SGIP1: variants seen among roughly 807,000 people sequenced by gnomAD.
SGIP1 encodes the protein SH3-containing GRB2-like protein 3-interacting protein 1.
In SGIP1, 38 loss-of-function variants were observed where a neutral mutation model predicts 107.5. The observed-to-expected ratio is 0.35, with a 90% CI of 0.27 to 0.46. The LOEUF (loss-of-function observed/expected upper bound fraction) is 0.46, where lower values mean the gene tolerates loss of function less well. Ranked by LOEUF, SGIP1 falls within the 20% of genes least tolerant of loss-of-function variation. The pLI, the probability that SGIP1 is intolerant of heterozygous loss-of-function variation, is 1.00. For synonymous variants in SGIP1, 365 were observed against 366.1 expected, an observed-to-expected ratio of 1.00 and a Z score of 0.03; for missense variants, 929 against 1,019.5, an observed-to-expected ratio of 0.91 and a Z score of 1.21.
intron 9 of SGIP1, among the ~76,000 whole-genome samples, chr1:66,668,832 T>C (rs2083158613): frequency 6.6e-6 from 1 of 152,228 alleles, no homozygotes; most frequent in Non-Finnish European, 1.5e-5. Flanking sequence ...GGAAATTTAT[T>C]CACAACATAC....
chr1:66,559,810 C>A (rs1027447716), intron 1 of SGIP1, among the ~76,000 whole-genome samples: 38 of 151,814 alleles, frequency 2.5e-4, no homozygotes, highest in African/African-American at 9.2e-4. Flanking sequence ...GTTATTTAGC[C>A]GGGGGGGTGG....
In SGIP1 at chr1:66,613,375, G is replaced by A. The variant is rs182487000; in HGVS notation, c.11-12472G>A. ...GTCAGAGTCTCACTCTGTCGTCCACGAGGGAGTGCAGTGGTGCAATCTCAA... is the reference window on the plus strand; with the variant it reads ...GTCAGAGTCTCACTCTGTCGTCCACAAGGGAGTGCAGTGGTGCAATCTCAA... On this transcript the variant is annotated intron_variant, in intron 1 of 24. Transcript: ENST00000371037. Among the ~76,000 whole-genome samples, 3 of 152,258 alleles carry A rather than the reference G, an allele frequency of 2.0e-5. No homozygotes were observed. In the East Asian group the frequency reaches 5.8e-4, roughly 29 times the overall value.
intron 2 of SGIP1, chr1:66,626,137 CTTTTTTTTTT>C (rs35959436): frequency 8.6e-4 from 106 of 123,200 alleles, no homozygotes; most frequent in East Asian, 5.5e-3. Context: ...TTCTTTCTTT[CTTTTTTTTTT>C]TTTTTTTTTT....
intron 7 of SGIP1, among the ~76,000 whole-genome samples, chr1:66,654,181 A>G (rs965220548): frequency 1.3e-5 from 2 of 152,182 alleles, no homozygotes; most frequent in African/African-American, 2.4e-5. Flanking sequence ...TACTTGCATT[A>G]TTTTACAAAT....
chr1:66,660,554 G>A lies in SGIP1; in HGVS notation c.471+30G>A, dbSNP rs199593903. 2.8e-5 allele frequency: 44 copies of A among 1,593,602 alleles called. No individual in the cohort carries two copies. In the East Asian group the frequency reaches 9.4e-4, roughly 34 times the overall value. On this transcript the variant is annotated intron_variant, in intron 8 of 24. Transcript: ENST00000371037. ...GAAATAAGTCCTTCCCGCTTTTGGG[G>A]CAAACATTATTTATTCTGTTTATTT...
At chr1:66,626,152 T>TTTTTTTTTTC (rs2072679404) in intron 2 of SGIP1, 1 of 264,440 alleles carries the variant, frequency 3.8e-6, no homozygotes, top group African/African-American at 2.3e-5. Flanking sequence ...TTTTTTTTTT[T>TTTTTTTTTTC]TTTTTTTGAT....
At chr1:66,566,804 A>G (rs1053075192) in intron 1 of SGIP1, among the ~76,000 whole-genome samples, 2 of 151,946 alleles carry the variant, frequency 1.3e-5, no homozygotes, top group Non-Finnish European at 2.9e-5. Flanking sequence ...TCAACCCGTC[A>G]TCTAGGTTTT....
intron 13 of SGIP1, 57 bp from the exon 14 acceptor site, chr1:66,679,621 A>G (rs932717679): frequency 2.6e-6 from 4 of 1,538,698 alleles, no homozygotes; most frequent in Admixed American, 2.0e-5. Context: ...TTTAAAGTGT[A>G]TTGTATGACT....
At chr1:66,676,800 C>G (rs1383759930) in intron 12 of SGIP1, among the ~76,000 whole-genome samples, 1 of 152,022 alleles carries the variant, frequency 6.6e-6, no homozygotes, top group Admixed American at 6.6e-5. Flanking sequence ...CACAGACACT[C>G]CTCCCACCCA....
rs1030737798 is a variant in SGIP1 at position 66,746,531 on chromosome 1, A to ATT, written c.*3437_*3438dup. On this transcript the variant is annotated 3_prime_UTR_variant, in exon 25 of 25. Transcript: ENST00000371037. ...TAAGCAAACTTGTAAAAACACAGTA[A>ATT]TTGAATGATATACAATAAAAACTGA... 11 of 152,276 alleles carry ATT rather than the reference A, an allele frequency of 7.2e-5. No individual in the cohort carries two copies. The highest frequency in any genetic ancestry group is 2.6e-4 in the African/African-American group (11 of 41,572). The allele number at this position is 152,276 out of a possible 1,614,324, so 9.4% of individuals were successfully genotyped here.
Position 66,741,260 on chromosome 1 carries a change from GT to G in SGIP1, c.2300-3del, listed in dbSNP as rs540315457. 1.3e-4 allele frequency: 191 copies of G among 1,506,642 alleles called. No individual in the cohort carries two copies. The highest frequency in any genetic ancestry group is 4.2e-4 in the Admixed American group (20 of 48,008). 93.3% of individuals were successfully genotyped at this position (1,506,642 alleles called of 1,614,324 possible). Reference sequence around the variant, plus strand: ...GTTGACTGTTACCTTGTAATAATGTGTTTTTTTTTAGGGGTGGGTTCTTTGT... The same window carrying G: ...GTTGACTGTTACCTTGTAATAATGTGTTTTTTTTAGGGGTGGGTTCTTTGT... On this transcript the variant is annotated splice_polypyrimidine_tract_variant and intron_variant, in intron 23 of 24. Coordinates refer to ENST00000371037, the MANE Select transcript of SGIP1 (RefSeq NM_032291.4).
intron 15 of SGIP1, among the ~76,000 whole-genome samples, chr1:66,686,846 G>T (rs1267699319): frequency 6.6e-6 from 1 of 152,146 alleles, no homozygotes; most frequent in Non-Finnish European, 1.5e-5. Context: ...AGTTGTATTT[G>T]TATCAAAAAA....
rs1350811503 is a variant in SGIP1 at position 66,744,818 on chromosome 1, C to A, written c.*1723C>A. ...CAACAAACTCTCAGTTGGCCCCCTA[C>A]AGCAGTCTGGTGTTGAAGTTTCTTT... On this transcript the variant is annotated 3_prime_UTR_variant, in exon 25 of 25. Transcript: ENST00000371037. The A allele has an allele frequency of 6.6e-6, 1 of 152,474 alleles. No homozygotes were observed. Among genetic ancestry groups the A allele is most frequent in the African/African-American group, 2.4e-5 (1 of 41,438 alleles). The allele number at this position is 152,474 out of a possible 1,614,324, so 9.4% of individuals were successfully genotyped here. A position where few individuals can be genotyped will look rare whatever the true frequency, so the allele number is the denominator to read the frequency against.
intron 9 of SGIP1, among the ~76,000 whole-genome samples, chr1:66,667,852 A>C (rs1450723759): frequency 6.6e-6 from 1 of 152,156 alleles, no homozygotes; most frequent in Non-Finnish European, 1.5e-5. Context: ...AAAGGCCTAG[A>C]GATTCACCAG....
At chr1:66,706,143 A>C (rs1001578418) in intron 18 of SGIP1, among the ~76,000 whole-genome samples, 2 of 151,722 alleles carry the variant, frequency 1.3e-5, no homozygotes. Context: ...TTCACAATTT[A>C]TTTCTTTTTA....
chr1:66,581,059 C>A (rs977953260), intron 1 of SGIP1, among the ~76,000 whole-genome samples: 1 of 152,034 alleles, frequency 6.6e-6, no homozygotes, highest in Non-Finnish European at 1.5e-5. Flanking sequence ...AATTTTGTAA[C>A]ATTTTCTCGT....
intron 21 of SGIP1, among the ~76,000 whole-genome samples, chr1:66,734,276 G>A (rs546498463): frequency 6.6e-6 from 1 of 151,922 alleles, no homozygotes; most frequent in African/African-American, 2.4e-5. Context: ...TGTTTTTCTA[G>A]TAAGATAGTC....
intron 1 of SGIP1, among the ~76,000 whole-genome samples, chr1:66,545,170 T>C (rs1272484319): frequency 6.6e-6 from 1 of 152,218 alleles, no homozygotes. Flanking sequence ...CTGCCTTTGA[T>C]TGTTTACCAT....
chr1:66,691,558 A>G (rs1243722958), intron 17 of SGIP1, among the ~76,000 whole-genome samples: 2 of 152,296 alleles, frequency 1.3e-5, no homozygotes, highest in East Asian at 3.9e-4. Flanking sequence ...TGCAACATCA[A>G]CTGGGGCAAT....
Sources: allele counts gnomAD v4.1 joint callset (sites outside exome capture counted in the v4.1 genomes callset), GRCh38; gene constraint gnomAD v4.1.1; transcripts MANE v1.5; gene names NCBI Gene and HGNC (gene_info 2026-07-23, HGNC 2026-07-21).